The following EPHA7 variants were observed in gnomAD, a reference collection of about 807,000 sequenced individuals.
EPHA7 encodes the protein ephrin type-A receptor 7.
EPHA7 carries 25 observed loss-of-function variants against 112.6 expected under a neutral mutation model. That is an observed-to-expected ratio of 0.22 (90% CI 0.16 to 0.31). The LOEUF is 0.31. Ranked by LOEUF, EPHA7 falls within the 10% of genes least tolerant of loss-of-function variation. The pLI, the probability that EPHA7 is intolerant of heterozygous loss-of-function variation, is 1.00. For missense variants in EPHA7, 962 were observed against 1,212.6 expected (o/e 0.79, Z 3.07); for synonymous variants, 437 against 406.5 (o/e 1.07, Z -0.90).
At chr6:93,357,692 T>C (rs556263822) in intron 4 of EPHA7, among the ~76,000 whole-genome samples, 1 of 152,126 alleles carries the variant, frequency 6.6e-6, no homozygotes, top group East Asian at 1.9e-4. Context: ...TCATTCTTAT[T>C]GTCCAAGCTG....
chr6:93,419,513 G>T lies in EPHA7; in HGVS notation c.-172C>A. 1.8e-6 allele frequency: 1 copy of T among 561,796 alleles called. No homozygotes were observed. Among genetic ancestry groups the T allele is most frequent in the South Asian group, 2.4e-5 (1 of 42,288 alleles). The allele number at this position is 561,796 out of a possible 1,614,324, so 34.8% of individuals were successfully genotyped here. On this transcript the variant is annotated 5_prime_UTR_variant, in exon 1 of 17. Transcript: ENST00000369303. ...TTTTTTTAATTTCCCCCCCACTCCT[G>T]TTCGCTCGCACCGTGTTTGCTGCCT... is the stretch of plus-strand genomic sequence containing the variant.
intron 5 of EPHA7, among the ~76,000 whole-genome samples, chr6:93,324,044 G>C (rs988733634): frequency 6.6e-6 from 1 of 151,430 alleles, no homozygotes; most frequent in Non-Finnish European, 1.5e-5. Context: ...TGAAGGGGCA[G>C]ACAGACTCTT....
At chr6:93,281,776 G>A (rs1166231410) in intron 5 of EPHA7, among the ~76,000 whole-genome samples, 2 of 152,088 alleles carry the variant, frequency 1.3e-5, no homozygotes, top group Non-Finnish European at 2.9e-5. Flanking sequence ...TAGTCTAAAT[G>A]TCATACTATG....
At chr6:93,323,495 G>A (rs9345348) in intron 5 of EPHA7, among the ~76,000 whole-genome samples, 26,716 of 151,224 alleles carry the variant, frequency 0.18, 2,762 homozygotes, top group East Asian at 0.34. Flanking sequence ...TATTGTACAC[G>A]TACAAATATA....
intron 1 of EPHA7, among the ~76,000 whole-genome samples, chr6:93,417,800 A>G (rs1159741394): frequency 6.6e-6 from 1 of 152,064 alleles, no homozygotes; most frequent in East Asian, 1.9e-4. Flanking sequence ...CGTAACCGCC[A>G]GCTTGGAGGC....
At chr6:93,349,875 A>G (rs2127935502) in intron 5 of EPHA7, among the ~76,000 whole-genome samples, 1 of 152,046 alleles carries the variant, frequency 6.6e-6, no homozygotes, top group African/African-American at 2.4e-5. Context: ...GTTGAGTCAC[A>G]TTAATTCATG....
At chr6:93,333,375 TA>T (rs1304606585) in intron 5 of EPHA7, among the ~76,000 whole-genome samples, 2 of 151,896 alleles carry the variant, frequency 1.3e-5, no homozygotes, top group African/African-American at 4.8e-5. Flanking sequence ...TATGGCAGAA[TA>T]ATTTATATTC....
At chr6:93,292,181 T>C (rs1004500702) in intron 5 of EPHA7, among the ~76,000 whole-genome samples, 1 of 152,156 alleles carries the variant, frequency 6.6e-6, no homozygotes, top group African/African-American at 2.4e-5. Flanking sequence ...CTGTCACTTA[T>C]TAGTTAAGTC....
chr6:93,349,846 T>A (rs1775602794), intron 5 of EPHA7, among the ~76,000 whole-genome samples: 1 of 151,854 alleles, frequency 6.6e-6, no homozygotes, highest in African/African-American at 2.4e-5. Flanking sequence ...CTACGTTAAT[T>A]TATGAGAAAA....
At chr6:93,260,415 G>A (rs1030820156) in intron 9 of EPHA7, 4 of 520,892 alleles carry the variant, frequency 7.7e-6, no homozygotes, top group Non-Finnish European at 9.8e-6. Context: ...TTTGGTAAAA[G>A]ACAAAGATAA....
intron 5 of EPHA7, among the ~76,000 whole-genome samples, chr6:93,302,627 C>T (rs186805155): frequency 2.0e-5 from 3 of 152,298 alleles, no homozygotes; most frequent in East Asian, 1.9e-4. Flanking sequence ...GATGCAAGAA[C>T]AGCAACATAT....
chr6:93,370,894 C>A (rs1429906372), intron 3 of EPHA7, among the ~76,000 whole-genome samples: 2 of 151,558 alleles, frequency 1.3e-5, no homozygotes, highest in Non-Finnish European at 2.9e-5. Flanking sequence ...GCCTGTAATC[C>A]CAGCACTTTG....
chr6:93,332,218 C>T (rs1322210402), intron 5 of EPHA7, among the ~76,000 whole-genome samples: 2 of 150,952 alleles, frequency 1.3e-5, no homozygotes, highest in Non-Finnish European at 1.5e-5. Context: ...TCAGTGGACC[C>T]GGTGGAAGGT....
intron 3 of EPHA7, among the ~76,000 whole-genome samples, chr6:93,382,489 T>C (rs957665859): frequency 2.0e-5 from 3 of 152,184 alleles, no homozygotes; most frequent in Non-Finnish European, 4.4e-5. Context: ...CAGTGACCAC[T>C]ACTGTCTGCA....
chr6:93,298,817 C>T (rs9363058), intron 5 of EPHA7, among the ~76,000 whole-genome samples: 35,971 of 151,992 alleles, frequency 0.24, 4,947 homozygotes, highest in South Asian at 0.31. Flanking sequence ...CTAAATAAGT[C>T]TATTTCTGAA....
At chr6:93,366,369 G>A (rs777259516) in intron 3 of EPHA7, among the ~76,000 whole-genome samples, 1 of 152,242 alleles carries the variant, frequency 6.6e-6, no homozygotes, top group East Asian at 1.9e-4. Context: ...TAACTCTAAC[G>A]TGCTACAGAC....
At chr6:93,256,949 T>A (rs1770466849) in intron 12 of EPHA7, among the ~76,000 whole-genome samples, 1 of 152,136 alleles carries the variant, frequency 6.6e-6, no homozygotes, top group Admixed American at 6.6e-5. Flanking sequence ...TAAAAATATC[T>A]ATGTTTATAT....
At chr6:93,389,394 G>A (rs79520459) in intron 3 of EPHA7, among the ~76,000 whole-genome samples, 1,806 of 152,124 alleles carry the variant, frequency 0.012, 39 homozygotes, top group African/African-American at 0.041. Flanking sequence ...AGATTAAATA[G>A]CTTTCGCTTT....
At chr6:93,334,796 T>G (rs1052560444) in intron 5 of EPHA7, among the ~76,000 whole-genome samples, 4 of 152,122 alleles carry the variant, frequency 2.6e-5, no homozygotes, top group African/African-American at 9.6e-5. Flanking sequence ...CATTTCATTC[T>G]CTGATAACCA....
Sources: allele counts gnomAD v4.1 joint callset (sites outside exome capture counted in the v4.1 genomes callset), GRCh38; gene constraint gnomAD v4.1.1; transcripts MANE v1.5; gene names NCBI Gene and HGNC (gene_info 2026-07-23, HGNC 2026-07-21).